ADGRL3: variants seen among roughly 807,000 people sequenced by gnomAD.
The protein encoded by ADGRL3 is calcium-independent alpha-latrotoxin receptor 3.
Under a neutral mutation model 153.5 loss-of-function variants are expected in ADGRL3, and 62 were observed. The observed-to-expected ratio is 0.40, with a 90% CI of 0.33 to 0.50. ADGRL3 has a LOEUF of 0.50. Ranked by LOEUF, ADGRL3 falls within the 20% of genes least tolerant of loss-of-function variation. The pLI is 0.47. For missense variants in ADGRL3, 1,641 were observed against 1,859.4 expected (o/e 0.88, Z 2.16); for synonymous variants, 710 against 672.5 (o/e 1.06, Z -0.86).
intron 9 of ADGRL3, among the ~76,000 whole-genome samples, chr4:61,839,304 C>T (rs2097987977): frequency 6.6e-6 from 1 of 152,066 alleles, no homozygotes; most frequent in South Asian, 2.1e-4. Context: ...GATCCTCTCA[C>T]CTCAGCCTCC....
At chr4:61,439,944 TAA>T (rs1011188488) in intron 2 of ADGRL3, among the ~76,000 whole-genome samples, 16 of 152,218 alleles carry the variant, frequency 1.1e-4, no homozygotes, top group African/African-American at 3.9e-4. Context: ...TTTTTATACA[TAA>T]GTCATATGCA....
At chr4:61,510,892 C>T (rs1049961530) in intron 3 of ADGRL3, among the ~76,000 whole-genome samples, 2 of 152,032 alleles carry the variant, frequency 1.3e-5, no homozygotes, top group Non-Finnish European at 2.9e-5. Flanking sequence ...CTTCTATCCA[C>T]GTGTATGGAA....
Position 62,073,998 on chromosome 4 carries a change from T to C in ADGRL3, c.*3090T>C, listed in dbSNP as rs1746412591. The stretch of plus-strand genomic sequence containing the variant: ...TCTAACATATTCATTTTGTCCTGTT[T>C]ACACTAGCAAGGGTTGAATTCCTGA... On this transcript the variant is annotated 3_prime_UTR_variant, in exon 27 of 27. Coordinates refer to ENST00000683033, the MANE Select transcript of ADGRL3 (RefSeq NM_001387552.1). 6.6e-6 allele frequency: 1 copy of C among 152,188 alleles called. No individual in the cohort carries two copies. The highest frequency in any genetic ancestry group is 2.4e-5 in the African/African-American group (1 of 41,460). 9.4% of individuals were successfully genotyped at this position (152,188 alleles called of 1,614,324 possible).
chr4:61,898,272 C>G (rs952245281), intron 11 of ADGRL3, among the ~76,000 whole-genome samples: 1 of 152,158 alleles, frequency 6.6e-6, no homozygotes, highest in Non-Finnish European at 1.5e-5. Flanking sequence ...CCACTCCCTT[C>G]TCTCACCCTT....
At chr4:61,869,961 AG>A (rs759902513) in intron 9 of ADGRL3, among the ~76,000 whole-genome samples, 1,103 of 93,116 alleles carry the variant, frequency 0.012, 14 homozygotes, top group African/African-American at 0.025. Context: ...AAAAAAAAAA[AG>A]AGAGAGAGAG....
At chr4:61,912,654 G>T in intron 12 of ADGRL3, 65 bp from the exon 13 acceptor site, 1 of 1,399,756 alleles carries the variant, frequency 7.1e-7, no homozygotes, top group Non-Finnish European at 1.0e-6. Flanking sequence ...TATTTTTCTT[G>T]TTTTCTTCTG....
chr4:61,599,036 T>C (rs1560911471), intron 5 of ADGRL3, among the ~76,000 whole-genome samples: 1 of 152,162 alleles, frequency 6.6e-6, no homozygotes, highest in Non-Finnish European at 1.5e-5. Flanking sequence ...ATGAATTGGA[T>C]GAAATACATA....
chr4:61,679,781 C>A (rs575441930), intron 6 of ADGRL3, among the ~76,000 whole-genome samples: 1 of 152,112 alleles, frequency 6.6e-6, no homozygotes, highest in African/African-American at 2.4e-5. Context: ...GTTTCTAATA[C>A]CTGTTCTTAA....
intron 1 of ADGRL3, among the ~76,000 whole-genome samples, chr4:61,380,968 C>A (rs544770351): frequency 6.6e-6 from 1 of 151,758 alleles, no homozygotes; most frequent in South Asian, 2.1e-4. Flanking sequence ...TTTTCTTCAC[C>A]CTCCTGCTCG....
At chr4:61,994,773 A>G (rs1262393417) in intron 19 of ADGRL3, among the ~76,000 whole-genome samples, 1 of 151,948 alleles carries the variant, frequency 6.6e-6, no homozygotes, top group Non-Finnish European at 1.5e-5. Flanking sequence ...TAAATAACAT[A>G]TATATATCCA....
At chr4:61,565,710 G>T (rs1420324945) in intron 4 of ADGRL3, among the ~76,000 whole-genome samples, 1 of 151,988 alleles carries the variant, frequency 6.6e-6, no homozygotes, top group African/African-American at 2.4e-5. Context: ...GCTAATTTTT[G>T]TATTTTTAGT....
intron 4 of ADGRL3, among the ~76,000 whole-genome samples, chr4:61,555,013 C>G (rs747405857): frequency 6.6e-6 from 1 of 152,148 alleles, no homozygotes; most frequent in Non-Finnish European, 1.5e-5. Flanking sequence ...AAGTTTGTCC[C>G]TCTGGTAGTA....
chr4:61,735,448 C>A (rs755144849), intron 8 of ADGRL3, among the ~76,000 whole-genome samples: 1 of 152,234 alleles, frequency 6.6e-6, no homozygotes, highest in Non-Finnish European at 1.5e-5. Flanking sequence ...TTGTCTGACT[C>A]ACCGCTGTAC....
chr4:61,729,677 A>G (rs561909405), intron 6 of ADGRL3, among the ~76,000 whole-genome samples: 10 of 151,822 alleles, frequency 6.6e-5, no homozygotes, highest in African/African-American at 2.2e-4. Context: ...CCCTTTTTCC[A>G]TGTTAGAATA....
intron 17 of ADGRL3, among the ~76,000 whole-genome samples, chr4:61,949,271 G>A (rs578135247): frequency 6.6e-6 from 1 of 152,126 alleles, no homozygotes; most frequent in East Asian, 1.9e-4. Context: ...TTGGAAGAAG[G>A]CTATTAATAA....
intron 4 of ADGRL3, among the ~76,000 whole-genome samples, chr4:61,572,408 A>G (rs1345434070): frequency 4.6e-5 from 7 of 152,010 alleles, no homozygotes; most frequent in African/African-American, 1.2e-4. Flanking sequence ...ATGATCTTCT[A>G]TTTTGTTCTG....
intron 5 of ADGRL3, among the ~76,000 whole-genome samples, chr4:61,611,718 C>T (rs2091375001): frequency 6.6e-6 from 1 of 152,074 alleles, no homozygotes; most frequent in Admixed American, 6.6e-5. Flanking sequence ...AGGCCAGATT[C>T]AAGACCAGTC....
intron 5 of ADGRL3, among the ~76,000 whole-genome samples, chr4:61,654,605 T>C (rs780870295): frequency 2.6e-5 from 4 of 152,064 alleles, no homozygotes; most frequent in Non-Finnish European, 5.9e-5. Context: ...GAGCCTACTT[T>C]TAAAGAAACT....
intron 5 of ADGRL3, among the ~76,000 whole-genome samples, chr4:61,612,132 A>C (rs911002403): frequency 2.0e-5 from 3 of 152,142 alleles, no homozygotes; most frequent in Non-Finnish European, 4.4e-5. Flanking sequence ...CAAACAAATA[A>C]AAAATAACTA....
Sources: allele counts gnomAD v4.1 joint callset (sites outside exome capture counted in the v4.1 genomes callset), GRCh38; gene constraint gnomAD v4.1.1; transcripts MANE v1.5; gene names NCBI Gene and HGNC (gene_info 2026-07-23, HGNC 2026-07-21).